TARS1: variants seen among roughly 807,000 people sequenced by gnomAD.
TARS1 encodes the protein threonyl-tRNA synthetase 1, also known as threonine--tRNA ligase 1, cytoplasmic.
In TARS1, 57 loss-of-function variants were observed where a neutral mutation model predicts 97.7. The ratio of observed to expected loss-of-function variants is 0.58; its 90% CI spans 0.47 to 0.73. The LOEUF is 0.73. Among genes scored for constraint, TARS1 ranks in the 30% least tolerant of loss-of-function variants. The probability of loss-of-function intolerance (pLI) is 0.00; values close to 1 mark genes in which losing one functional copy is unlikely to be tolerated. For missense variants in TARS1, 806 were observed against 888.3 expected (o/e 0.91, Z 1.18); for synonymous variants, 312 against 293.7 (o/e 1.06, Z -0.64).
intron 17 of TARS1, 30 bp from the exon 18 acceptor site, chr5:33,466,841 C>A: frequency 2.0e-6 from 3 of 1,489,852 alleles, no homozygotes; most frequent in Non-Finnish European, 2.8e-6. Flanking sequence ...GATTTTAGAT[C>A]TGACAAATTC....
chr5:33,461,851 G>T, intron 14 of TARS1, 55 bp from the exon 15 acceptor site: 1 of 1,590,446 alleles, frequency 6.3e-7, no homozygotes, highest in Non-Finnish European at 8.6e-7. Context: ...TCCAACTATT[G>T]AGCTCCACTT....
At chr5:33,454,246 T>A (rs927243981) in intron 4 of TARS1, among the ~76,000 whole-genome samples, 3 of 152,244 alleles carry the variant, frequency 2.0e-5, no homozygotes, top group Admixed American at 2.0e-4. Context: ...TTTGTTTTAG[T>A]GATGATTGTT....
Position 33,447,510 on chromosome 5 carries a change from G to A in TARS1, c.139-1031G>A, listed in dbSNP as rs1015507731. ...GATCCATCTGCCTTGGCCTCCCTAA[G>A]TGCTGGGATTACAGGAATGAACCAC... On this transcript the variant is annotated intron_variant, in intron 2 of 18. Transcript: ENST00000265112. Among the ~76,000 whole-genome samples, 5 of 152,196 alleles carry A rather than the reference G, an allele frequency of 3.3e-5. No individual in the cohort carries two copies. The East Asian group carries it at 7.7e-4, about 23-fold the overall frequency.
intron 3 of TARS1, chr5:33,452,387 G>T (rs751368995): frequency 5.7e-5 from 88 of 1,535,168 alleles, no homozygotes; most frequent in Admixed American, 5.7e-4. Context: ...ATCTCTGCTT[G>T]CATCTGTGGC....
At chr5:33,444,288 A>C (rs1331816589) in intron 1 of TARS1, among the ~76,000 whole-genome samples, 3 of 152,232 alleles carry the variant, frequency 2.0e-5, no homozygotes, top group African/African-American at 7.2e-5. Context: ...TAATGGGTAC[A>C]AGGTTTCTTT....
At chr5:33,442,187 G>A in intron 1 of TARS1, among the ~76,000 whole-genome samples, 1 of 151,992 alleles carries the variant, frequency 6.6e-6, no homozygotes, top group Non-Finnish European at 1.5e-5. Flanking sequence ...TTTTTTTCTT[G>A]ATTGTCCACT....
At chr5:33,453,801 C>A (rs528898759) in intron 4 of TARS1, among the ~76,000 whole-genome samples, 1 of 151,870 alleles carries the variant, frequency 6.6e-6, no homozygotes, top group African/African-American at 2.4e-5. Context: ...CTCAGTACAA[C>A]CTCCACCTCC....
intron 13 of TARS1, 27 bp from the exon 14 acceptor site, chr5:33,461,640 A>G: frequency 1.3e-6 from 2 of 1,599,936 alleles, no homozygotes; most frequent in Admixed American, 1.7e-5. Context: ...GATGAAAAAA[A>G]TAAAAATCAT....
intron 16 of TARS1, among the ~76,000 whole-genome samples, chr5:33,462,560 G>A (rs1173810348): frequency 6.6e-6 from 1 of 152,166 alleles, no homozygotes; most frequent in Non-Finnish European, 1.5e-5. Context: ...ATAGATAAAT[G>A]AGGAGGCTTA....
intron 16 of TARS1, among the ~76,000 whole-genome samples, chr5:33,462,539 G>C (rs2111587914): frequency 6.6e-6 from 1 of 152,260 alleles, no homozygotes; most frequent in Non-Finnish European, 1.5e-5. Flanking sequence ...AGATGGCTTT[G>C]CTGGTTTTAC....
chr5:33,447,816 G>A (rs962373840), intron 2 of TARS1, among the ~76,000 whole-genome samples: 2 of 152,232 alleles, frequency 1.3e-5, no homozygotes, highest in African/African-American at 4.8e-5. Context: ...TGCTGTAGAT[G>A]TTAGTTTGAC....
chr5:33,454,819 A>G (rs1741930479), intron 4 of TARS1, 126 bp from the exon 5 acceptor site: 1 of 1,215,262 alleles, frequency 8.2e-7, no homozygotes, highest in Non-Finnish European at 1.1e-6. Context: ...AGATTTAGAA[A>G]TTTAGGATTT....
chr5:33,454,484 G>T (rs1246019105), intron 4 of TARS1, among the ~76,000 whole-genome samples: 1 of 152,194 alleles, frequency 6.6e-6, no homozygotes, highest in Non-Finnish European at 1.5e-5. Flanking sequence ...GGGTCGGGTT[G>T]TACCACCTTT....
intron 17 of TARS1, 28 bp from the exon 18 acceptor site, chr5:33,466,843 G>C: frequency 6.6e-7 from 1 of 1,511,932 alleles, no homozygotes; most frequent in South Asian, 1.2e-5. Context: ...TTTTAGATCT[G>C]ACAAATTCTG....
chr5:33,457,032 C>T (rs1449699952), intron 8 of TARS1, among the ~76,000 whole-genome samples: 1 of 152,126 alleles, frequency 6.6e-6, no homozygotes, highest in Non-Finnish European at 1.5e-5. Context: ...CTCCCAGGCT[C>T]AAGCAATCCT....
At chr5:33,440,896 C>T (rs1361341861), upstream of TARS1, 3 of 621,324 alleles carry the variant, frequency 4.8e-6, no homozygotes, top group African/African-American at 1.9e-5. Context: ...GAGGGAGGGC[C>T]CGCCTTCCCC....
At position 33,462,204 on chromosome 5, in the gene TARS1, G is replaced by A. The variant is rs1177084407; in HGVS notation, c.1835+1G>A. The A allele has an allele frequency of 6.2e-7, 1 of 1,609,486 alleles. No homozygotes were observed. The highest frequency in any genetic ancestry group is 8.5e-7 in the Non-Finnish European group (1 of 1,178,612). ...TCACAGAAAACTATGGGGGCAAATG[G>A]TAATTTTTGTCACTGTCTTTTTTTT... On this transcript the variant is annotated splice_donor_variant, in intron 16 of 18. Transcript: ENST00000265112. LOFTEE classifies it high-confidence loss of function.
At position 33,443,310 on chromosome 5, in the gene TARS1, T is replaced by TCTCTCC. The variant is rs1477376430; in HGVS notation, c.58-2009_58-2008insCCTCTC. 1.5e-3 allele frequency among the ~76,000 whole-genome samples: 194 copies of TCTCTCC among 131,382 alleles called. 1 individual carries two copies. Among genetic ancestry groups the TCTCTCC allele is most frequent in the African/African-American group, 5.7e-3 (188 of 33,228 alleles). The allele number at this position is 131,382 out of a possible 152,430, so 86.2% of individuals were successfully genotyped here. On this transcript the variant is annotated intron_variant, in intron 1 of 18. Transcript: ENST00000265112. ...AGAAAACCTTTGTGGTGATTCCCTCTCTCTCTCTCCCTCTCTCTCTCTCTC... is the reference window on the plus strand; with the variant it reads ...AGAAAACCTTTGTGGTGATTCCCTCTCTCTCCCTCTCTCTCCCTCTCTCTCTCTCTC...
intron 8 of TARS1, 88 bp from the exon 9 acceptor site, chr5:33,457,169 C>G: frequency 6.8e-7 from 1 of 1,476,582 alleles, no homozygotes; most frequent in Non-Finnish European, 9.2e-7. Context: ...AGTAACTACT[C>G]TAACAAGGCC....
Sources: gnomAD v4.1 joint callset for allele counts (sites outside exome capture counted in the v4.1 genomes callset) on GRCh38, gnomAD v4.1.1 for gene constraint, MANE v1.5 for transcripts, NCBI Gene and HGNC (gene_info 2026-07-23, HGNC 2026-07-21) for gene names.